MREG: variants seen among roughly 807,000 people sequenced by gnomAD.
MREG encodes melanoregulin.
MREG carries 31 observed loss-of-function variants against 28.5 expected under a neutral mutation model. That is an observed-to-expected ratio of 1.09 (90% CI 0.82 to 1.47). The LOEUF is 1.47. Ranked by LOEUF, MREG falls within the 40% of genes most tolerant of loss-of-function variation. MREG has a pLI of 0.00. For missense variants in MREG, 256 were observed against 257.4 expected (o/e 0.99, Z 0.04); for synonymous variants, 106 against 95.2 (o/e 1.11, Z -0.66).
chr2:216,012,349 A>G (rs1694336788), intron 1 of MREG, among the ~76,000 whole-genome samples: 1 of 152,160 alleles, frequency 6.6e-6, no homozygotes, highest in South Asian at 2.1e-4. Flanking sequence ...TTTGGACTTG[A>G]TAGAGTAAGA....
rs751896853 is a variant in MREG at position 215,996,321 on chromosome 2, C to G, written c.240G>C (p.Gln80His). Residue 80 changes from glutamine (Q) to histidine (H), a missense_variant, in exon 2 of 5, where the codon CAG becomes CAC. Physicochemically the swap from Gln to His is conservative, Grantham distance 24. Transcript: ENST00000263268. Reference protein sequence around the residue: ...LYNLIVIRNQQAKDSEEWQKL... With the variant: ...LYNLIVIRNQHAKDSEEWQKL... The stretch of plus-strand genomic sequence containing the variant: ...AGGTGCTCACCTCTGAGTCTTTGGC[C>G]TGCTGATTACGAATGACTATCAAAT... 9 of 1,613,800 alleles carry G rather than the reference C, an allele frequency of 5.6e-6. No individual in the cohort carries two copies. Among genetic ancestry groups the G allele is most frequent in the Non-Finnish European group, 7.6e-6 (9 of 1,179,846 alleles).
In MREG at chr2:215,971,895, G is replaced by T. The variant is rs141104022; in HGVS notation, c.255+24411C>A. On this transcript the variant is annotated intron_variant, in intron 2 of 4. Coordinates refer to ENST00000263268, the MANE Select transcript of MREG (RefSeq NM_018000.3). ...TCAACCAAGGATCTGCCAGCGAGAA[G>T]GGAGATCATTTCTCAAACGCACTGC... Among the ~76,000 whole-genome samples the T allele has an allele frequency of 1.6e-3, 250 of 152,310 alleles. 1 individual carries two copies. Among genetic ancestry groups the T allele is most frequent in the African/African-American group, 5.7e-3 (235 of 41,558 alleles).
At chr2:216,011,571 T>C (rs1310586682) in intron 1 of MREG, among the ~76,000 whole-genome samples, 1 of 152,248 alleles carries the variant, frequency 6.6e-6, no homozygotes, top group Non-Finnish European at 1.5e-5. Context: ...TTGTGCCAGG[T>C]TACCTAGTTG....
At chr2:215,964,402 T>G (rs1221612163) in intron 2 of MREG, among the ~76,000 whole-genome samples, 1 of 152,034 alleles carries the variant, frequency 6.6e-6, no homozygotes, top group African/African-American at 2.4e-5. Flanking sequence ...CAGAATCGCT[T>G]GAACCCAGGA....
At chr2:215,954,445 A>AACAC (rs3078454) in intron 2 of MREG, among the ~76,000 whole-genome samples, 11,022 of 136,420 alleles carry the variant, frequency 0.081, 474 homozygotes, top group Non-Finnish European at 0.1. Flanking sequence ...ATCTGTGTAC[A>AACAC]ACACACACAC....
At chr2:215,939,455 T>C (rs1027498818), downstream of MREG, 1 of 152,202 alleles carries the variant, frequency 6.6e-6, no homozygotes, top group African/African-American at 2.4e-5. Context: ...CCCAAATAAG[T>C]CCTCCTTTCT....
chr2:216,007,219 C>T (rs1308895241), intron 1 of MREG, among the ~76,000 whole-genome samples: 2 of 152,050 alleles, frequency 1.3e-5, no homozygotes, highest in Non-Finnish European at 2.9e-5. Context: ...CAAAATTTAC[C>T]TGTAACCCCA....
At chr2:216,019,113 G>T (rs1236669370) in intron 1 of MREG, among the ~76,000 whole-genome samples, 3 of 152,172 alleles carry the variant, frequency 2.0e-5, no homozygotes, top group Admixed American at 6.5e-5. Flanking sequence ...TCCGAAACAA[G>T]ATCTATTATT....
chr2:216,017,028 C>T (rs936988320), upstream of MREG, among the ~76,000 whole-genome samples: 3 of 152,202 alleles, frequency 2.0e-5, no homozygotes, highest in Admixed American at 6.5e-5. Context: ...ACCTAATCCC[C>T]TTTCTACCTC....
At chr2:216,004,005 C>T (rs763452804) in intron 1 of MREG, among the ~76,000 whole-genome samples, 1 of 152,180 alleles carries the variant, frequency 6.6e-6, no homozygotes, top group Admixed American at 6.5e-5. Context: ...CCCATTTGGC[C>T]TAGAGGATAA....
At chr2:215,966,049 G>A (rs1162389963) in intron 2 of MREG, among the ~76,000 whole-genome samples, 1 of 152,168 alleles carries the variant, frequency 6.6e-6, no homozygotes, top group Non-Finnish European at 1.5e-5. Context: ...AAAATAATGA[G>A]GGGTATCAAA....
intron 4 of MREG, among the ~76,000 whole-genome samples, chr2:215,945,249 T>C (rs1290038534): frequency 6.6e-6 from 1 of 152,220 alleles, no homozygotes; most frequent in Non-Finnish European, 1.5e-5. Context: ...ATAGGTTAAA[T>C]AAACAATACT....
rs1476950282 is a variant in MREG, at chr2:215,944,476, A to G, written c.*387T>C. Reference sequence around the variant, plus strand: ...AACTGGCAATCCATTTTGGGACTCAATGACAGCTCTCTCTATTAATCATAT... The same window carrying G: ...AACTGGCAATCCATTTTGGGACTCAGTGACAGCTCTCTCTATTAATCATAT... On this transcript the variant is annotated 3_prime_UTR_variant, in exon 5 of 5. Coordinates refer to ENST00000263268, the MANE Select transcript of MREG (RefSeq NM_018000.3). The G allele has an allele frequency of 1.3e-5, 2 of 156,606 alleles. No individual in the cohort carries two copies. Among genetic ancestry groups the G allele is most frequent in the African/African-American group, 4.8e-5 (2 of 41,722 alleles). 9.7% of individuals were successfully genotyped at this position (156,606 alleles called of 1,614,324 possible). A position where few individuals can be genotyped will look rare whatever the true frequency, so the allele number is the denominator to read the frequency against.
At chr2:215,956,336 CATCT>C (rs772513281) in intron 2 of MREG, among the ~76,000 whole-genome samples, 10 of 152,090 alleles carry the variant, frequency 6.6e-5, no homozygotes, top group African/African-American at 1.7e-4. Context: ...GTAAATATTA[CATCT>C]ATCTATCTAT....
intron 1 of MREG, among the ~76,000 whole-genome samples, chr2:216,005,262 A>G (rs1429889457): frequency 6.6e-6 from 1 of 152,136 alleles, no homozygotes; most frequent in Non-Finnish European, 1.5e-5. Flanking sequence ...TTCTATGAGA[A>G]CACACAGTTT....
chr2:215,982,369 G>C (rs1258498903), intron 2 of MREG, among the ~76,000 whole-genome samples: 1 of 151,386 alleles, frequency 6.6e-6, no homozygotes, highest in East Asian at 1.9e-4. Context: ...AAGAAACATT[G>C]ATTCTCTTAA....
At chr2:215,971,175 A>G (rs963443316) in intron 2 of MREG, among the ~76,000 whole-genome samples, 3 of 152,164 alleles carry the variant, frequency 2.0e-5, no homozygotes, top group Non-Finnish European at 4.4e-5. Context: ...GCATTAGGAC[A>G]AATACCTAAT....
intron 2 of MREG, among the ~76,000 whole-genome samples, chr2:215,952,733 A>G (rs1292659505): frequency 1.3e-5 from 2 of 152,096 alleles, no homozygotes; most frequent in Non-Finnish European, 2.9e-5. Context: ...GAACAGAAAG[A>G]TACAAAATGA....
chr2:215,983,257 G>A (rs921643485), intron 2 of MREG, among the ~76,000 whole-genome samples: 3 of 152,196 alleles, frequency 2.0e-5, no homozygotes, highest in Admixed American at 6.5e-5. Flanking sequence ...GAAAGAGTGG[G>A]CTTTGTCCAA....
Sources: allele counts gnomAD v4.1 joint callset (sites outside exome capture counted in the v4.1 genomes callset), GRCh38; gene constraint gnomAD v4.1.1; transcripts MANE v1.5; gene names NCBI Gene and HGNC (gene_info 2026-07-23, HGNC 2026-07-21).